The following UBE3D variants were observed in gnomAD, a reference collection of about 807,000 sequenced individuals.
UBE3D encodes the protein E3 ubiquitin-protein ligase E3D.
Under a neutral mutation model 49.6 loss-of-function variants are expected in UBE3D, and 48 were observed. The ratio of observed to expected loss-of-function variants is 0.97; its 90% CI spans 0.77 to 1.23. The LOEUF (loss-of-function observed/expected upper bound fraction) is 1.23, where lower values mean the gene tolerates loss of function less well. UBE3D is among the 50% of genes most tolerant of loss of function. The probability of loss-of-function intolerance (pLI) is 0.00; values close to 1 mark genes in which losing one functional copy is unlikely to be tolerated. For missense variants in UBE3D, 452 were observed against 468.4 expected, an observed-to-expected ratio of 0.96 and a Z score of 0.32; for synonymous variants, 189 against 174.2, an observed-to-expected ratio of 1.08 and a Z score of -0.67.
chr6:82,991,091 T>A (rs1448910434), intron 8 of UBE3D, among the ~76,000 whole-genome samples: 1 of 152,178 alleles, frequency 6.6e-6, no homozygotes, highest in African/African-American at 2.4e-5. Context: ...GGGCTCTCCA[T>A]AGGCCCTGGT....
intron 6 of UBE3D, among the ~76,000 whole-genome samples, chr6:83,023,203 T>C (rs542753808): frequency 1.3e-5 from 2 of 152,230 alleles, no homozygotes; most frequent in Admixed American, 6.5e-5. Flanking sequence ...AACTGACCCA[T>C]GTTTCAAATT....
At chr6:82,893,558 T>C (rs925459871) in intron 9 of UBE3D, among the ~76,000 whole-genome samples, 4 of 152,222 alleles carry the variant, frequency 2.6e-5, no homozygotes. Context: ...TCAGACTATG[T>C]AATGAGGCCT....
rs900436468 is a variant in UBE3D, at chr6:83,054,161, T to C, written c.352A>G (p.Ile118Val). ...TATATTCCTTACCTGTCTTTTATTATGACTTCACCGCAGGATTGGCAATAA... is the reference window on the plus strand; with the variant it reads ...TATATTCCTTACCTGTCTTTTATTACGACTTCACCGCAGGATTGGCAATAA... ...TFYCQSCGEVIIKDRKLLRVL... is the reference protein window; with the variant it reads ...TFYCQSCGEVVIKDRKLLRVL... Residue 118 changes from isoleucine to valine, a missense_variant, in exon 3 of 10, where the codon ATA (isoleucine) becomes GTA (valine). Ile to Val is a conservative substitution (Grantham distance 29, BLOSUM62 3). Coordinates refer to ENST00000369747, the MANE Select transcript of UBE3D (RefSeq NM_198920.3). 1.5e-5 allele frequency: 24 copies of C among 1,613,860 alleles called. No individual in the cohort carries two copies. Among genetic ancestry groups the C allele is most frequent in the Non-Finnish European group, 2.0e-5 (24 of 1,179,760 alleles).
At position 82,930,903 on chromosome 6, in the gene UBE3D, C is replaced by T. The variant is rs552635679; in HGVS notation, c.1149+26409G>A. Among the ~76,000 whole-genome samples the T allele has an allele frequency of 3.3e-5, 5 of 152,312 alleles. No individual in the cohort carries two copies. In the South Asian group the frequency reaches 1.0e-3, roughly 32 times the overall value. ...GAAACAAGGAGATGAATATTAATCA[C>T]CAAGACAATGGGGAAAATTTCTCTA... On this transcript the variant is annotated intron_variant, in intron 9 of 9. Coordinates refer to ENST00000369747, the MANE Select transcript of UBE3D (RefSeq NM_198920.3).
chr6:82,985,127 A>T (rs1778387830), intron 8 of UBE3D, among the ~76,000 whole-genome samples: 1 of 148,148 alleles, frequency 6.8e-6, no homozygotes, highest in Non-Finnish European at 1.5e-5. Flanking sequence ...ATGGGATTAC[A>T]AGTGTGGGCC....
chr6:82,883,799 C>T, the UBE3D span, among the ~76,000 whole-genome samples: 1 of 151,996 alleles, frequency 6.6e-6, no homozygotes, highest in African/African-American at 2.4e-5. Flanking sequence ...TAAAAGAGAA[C>T]AAGAATGGTC....
intron 1 of UBE3D, among the ~76,000 whole-genome samples, chr6:83,060,282 G>C (rs1260854314): frequency 6.6e-6 from 1 of 152,112 alleles, no homozygotes; most frequent in Admixed American, 6.6e-5. Context: ...GAGGGAGACT[G>C]ACAAAATAAA....
chr6:83,046,605 A>G (rs1161784916), intron 3 of UBE3D, among the ~76,000 whole-genome samples: 1 of 148,210 alleles, frequency 6.7e-6, no homozygotes, highest in Non-Finnish European at 1.5e-5. Flanking sequence ...AGACCTACAA[A>G]CAAATAACAA....
chr6:82,957,132 AAAACAAACAAAC>A (rs534791837), intron 9 of UBE3D, among the ~76,000 whole-genome samples, 168 bp downstream of exon 9: 1 of 152,130 alleles, frequency 6.6e-6, no homozygotes, highest in Non-Finnish European at 1.5e-5. Context: ...CTGCCTCCAA[AAAACAAACAAAC>A]AAACAAACAA....
intron 6 of UBE3D, 46 bp from the exon 7 acceptor site, chr6:83,022,607 C>T (rs776387493): frequency 7.1e-7 from 1 of 1,409,032 alleles, no homozygotes; most frequent in Non-Finnish European, 9.5e-7. Flanking sequence ...CTCATAATAA[C>T]TCTAACTGGC....
chr6:82,979,998 T>C (rs1376657586), intron 8 of UBE3D, among the ~76,000 whole-genome samples: 1 of 152,166 alleles, frequency 6.6e-6, no homozygotes, highest in Non-Finnish European at 1.5e-5. Context: ...CATCCACTGA[T>C]GGACATTTAG....
intron 8 of UBE3D, among the ~76,000 whole-genome samples, chr6:82,995,531 T>C (rs999121390): frequency 9.9e-6 from 1 of 101,288 alleles, no homozygotes; most frequent in Admixed American, 1.0e-4. Context: ...CCAACTTAAG[T>C]AAGCAAAGGA....
intron 9 of UBE3D, 55 bp from the exon 10 acceptor site, chr6:82,893,097 C>T (rs369007574): frequency 1.9e-6 from 3 of 1,599,278 alleles, no homozygotes; most frequent in South Asian, 1.1e-5. Context: ...GACAAAATGG[C>T]TGCATGTACA....
intron 9 of UBE3D, among the ~76,000 whole-genome samples, chr6:82,950,601 G>C (rs998988641): frequency 1.3e-5 from 2 of 152,092 alleles, no homozygotes; most frequent in Admixed American, 6.6e-5. Context: ...CCCACTCCTA[G>C]GTAGGTACCC....
chr6:83,014,904 T>A (rs1031308565), intron 8 of UBE3D, among the ~76,000 whole-genome samples: 1 of 152,208 alleles, frequency 6.6e-6, no homozygotes, highest in Non-Finnish European at 1.5e-5. Flanking sequence ...TCTCTGCTTA[T>A]ATAAATTAAG....
intron 8 of UBE3D, among the ~76,000 whole-genome samples, chr6:83,010,933 C>T (rs1238095997): frequency 6.6e-6 from 1 of 152,134 alleles, no homozygotes; most frequent in Non-Finnish European, 1.5e-5. Context: ...AGAGTCAATA[C>T]TTTGCATCCA....
At position 82,892,593 on chromosome 6, in the gene UBE3D, C is replaced by T; in HGVS notation, c.*429G>A. 5.9e-6 allele frequency: 1 copy of T among 169,358 alleles called. No homozygotes were observed. The highest frequency in any genetic ancestry group is 2.9e-3 in the Middle Eastern group (1 of 344). The allele number at this position is 169,358 out of a possible 1,614,324, so 10.5% of individuals were successfully genotyped here. On this transcript the variant is annotated 3_prime_UTR_variant, in exon 10 of 10. Transcript: ENST00000369747. ...TTTTTAAAATTTGTTTTAAATCATC[C>T]TGAGAAACTCTTTAAAAGTTTATTT...
rs1481877494 is a variant in UBE3D, at chr6:82,911,972, T to G, written c.1150-18930A>C. On this transcript the variant is annotated intron_variant, in intron 9 of 9. Transcript: ENST00000369747. ...ATTCACAGGCTGACTGACACTGGAC[T>G]TTCTTCCTGGGGAACAGAAAACATG... Among the ~76,000 whole-genome samples, 3 of 152,142 alleles carry G rather than the reference T, an allele frequency of 2.0e-5. 1 individual carries two copies. The highest frequency in any genetic ancestry group is 7.2e-5 in the African/African-American group (3 of 41,406).
chr6:82,885,331 T>G, the UBE3D span, among the ~76,000 whole-genome samples: 2 of 152,134 alleles, frequency 1.3e-5, no homozygotes, highest in African/African-American at 4.8e-5. Flanking sequence ...TTTATGTTAT[T>G]CTCCTGCTTA....
Sources: allele counts gnomAD v4.1 joint callset (sites outside exome capture counted in the v4.1 genomes callset), GRCh38; gene constraint gnomAD v4.1.1; transcripts MANE v1.5; gene names NCBI Gene and HGNC (gene_info 2026-07-23, HGNC 2026-07-21).